The following MCM5 variants were observed in gnomAD, a reference collection of about 807,000 sequenced individuals.
The protein encoded by MCM5 is DNA replication licensing factor MCM5.
Under a neutral mutation model 79.9 loss-of-function variants are expected in MCM5, and 46 were observed. The observed-to-expected ratio is 0.58, with a 90% CI of 0.45 to 0.74. The LOEUF (loss-of-function observed/expected upper bound fraction) is 0.74. Ranked by LOEUF, MCM5 falls within the 30% of genes least tolerant of loss-of-function variation. The probability of loss-of-function intolerance (pLI) is 0.00; values close to 1 mark genes in which losing one functional copy is unlikely to be tolerated. For missense variants in MCM5, 883 were observed against 1,017.0 expected (o/e 0.87, Z 1.79); for synonymous variants, 404 against 390.5 (o/e 1.03, Z -0.41).
At chr22:35,452,011 C>T in the MCM5 span, among the ~76,000 whole-genome samples, 1 of 152,206 alleles carries the variant, frequency 6.6e-6, no homozygotes, top group African/African-American at 2.4e-5. Flanking sequence ...GGGCCCCCAC[C>T]TGCCCTGTGC....
At chr22:35,441,113 G>A in the MCM5 span, among the ~76,000 whole-genome samples, 1 of 151,932 alleles carries the variant, frequency 6.6e-6, no homozygotes, top group Admixed American at 6.6e-5. Flanking sequence ...GGGACCTTGC[G>A]TCCAAGGTGG....
the MCM5 span, among the ~76,000 whole-genome samples, chr22:35,438,602 C>CCACCCACCCACCCATTCATCCATCCAT: frequency 7.0e-5 from 4 of 57,074 alleles, no homozygotes; most frequent in Non-Finnish European, 9.3e-5. Context: ...CATGCATCCA[C>CCACCCACCCACCCATTCATCCATCCAT]CCACCCACAT....
intron 9 of MCM5, 21 bp from the exon 10 acceptor site, chr22:35,415,808 G>T: frequency 6.2e-7 from 1 of 1,605,382 alleles, no homozygotes; most frequent in Non-Finnish European, 8.5e-7. Context: ...ATTGGGCCCT[G>T]ACACCACCCC....
chr22:35,418,432 G>A (rs1263859935), intron 13 of MCM5, among the ~76,000 whole-genome samples: 1 of 152,166 alleles, frequency 6.6e-6, no homozygotes, highest in Non-Finnish European at 1.5e-5. Context: ...GGCGGAGGCA[G>A]GTGGATCACT....
At chr22:35,438,783 T>TCATC in the MCM5 span, among the ~76,000 whole-genome samples, 179 of 11,026 alleles carry the variant, frequency 0.016, 4 homozygotes, top group African/African-American at 0.038. Flanking sequence ...ACCCACATAT[T>TCATC]CATCCATCCA....
the MCM5 span, among the ~76,000 whole-genome samples, chr22:35,432,374 C>T: frequency 3.3e-5 from 5 of 152,192 alleles, no homozygotes; most frequent in East Asian, 1.9e-4. Flanking sequence ...GGGGGTCTAG[C>T]GGGGAGTACA....
Position 35,408,494 on chromosome 22 carries a change from A to G in MCM5, c.683A>G (p.Lys228Arg). The change falls in exon 6 of 17, where the codon AAG (lysine) becomes AGG (arginine). Residue 228 changes from lysine to arginine, a missense_variant. This residue lies in a region of MCM5 where 455 missense variants were observed against 517.5 expected (regional missense o/e 0.88). Transcript: ENST00000216122. ...AAATGCGTGGACTTCCAGACCCTGA[A>G]GCTGCAGGAGCTGCCTGATGCAGTC... Reference protein sequence around the residue: ...KCKCVDFQTLKLQELPDAVPH... With the variant: ...KCKCVDFQTLRLQELPDAVPH... The G allele has an allele frequency of 6.2e-7, 1 of 1,614,200 alleles. No homozygotes were observed. The highest frequency in any genetic ancestry group is 8.5e-7 in the Non-Finnish European group (1 of 1,180,020).
rs1932010959 is a variant in MCM5 at position 35,400,538 on chromosome 22, C to T, written c.100C>T (p.Arg34Cys). ...GGCCCGCAAATCGCAGCTGCAGAGG[C>T]GCTTCAAGGAGTTCCTGCGGCAGTA... Reference protein sequence around the residue: ...GQARKSQLQRRFKEFLRQYRV... With the variant: ...GQARKSQLQRCFKEFLRQYRV... Residue 34 changes from arginine to cysteine, a missense_variant, in exon 2 of 17, where the codon CGC becomes TGC. Transcript: ENST00000216122. 3 of 1,614,034 alleles carry T rather than the reference C, an allele frequency of 1.9e-6. No individual in the cohort carries two copies. Among genetic ancestry groups the T allele is most frequent in the South Asian group, 2.2e-5 (2 of 91,082 alleles).
At chr22:35,442,412 C>T in the MCM5 span, among the ~76,000 whole-genome samples, 3 of 152,050 alleles carry the variant, frequency 2.0e-5, no homozygotes, top group Admixed American at 1.3e-4. Context: ...CATTTATTCT[C>T]TTATGTTTCT....
At chr22:35,450,360 C>A in the MCM5 span, among the ~76,000 whole-genome samples, 1 of 152,040 alleles carries the variant, frequency 6.6e-6, no homozygotes, top group Non-Finnish European at 1.5e-5. Context: ...TAAATGAGAT[C>A]GTGCCTAGAA....
the MCM5 span, among the ~76,000 whole-genome samples, chr22:35,450,511 G>A: frequency 1.3e-5 from 2 of 152,112 alleles, no homozygotes; most frequent in Admixed American, 6.5e-5. Context: ...AGACTCGCCC[G>A]CCTGACTCCG....
chr22:35,428,021 CTTTTTT>C (rs133437), downstream of MCM5, among the ~76,000 whole-genome samples: 1 of 132,392 alleles, frequency 7.6e-6, no homozygotes, highest in African/African-American at 3.1e-5. Context: ...CTCTCTCTCT[CTTTTTT>C]TTTTTTTTTT....
Position 35,416,345 on chromosome 22 carries a change from G to C in MCM5, c.1354G>C (p.Glu452Gln). ...VCIDEFDKMR[E>Q]DDRVAIHEAM... is the part of the protein sequence containing the mutation. ...TTCTCTCTTCCCCACTTAGATGCGAGAAGATGACCGTGTGGCAATCCACGA... is the reference window on the plus strand; with the variant it reads ...TTCTCTCTTCCCCACTTAGATGCGACAAGATGACCGTGTGGCAATCCACGA... Residue 452 changes from glutamate (E) to glutamine (Q), a missense_variant, in exon 11 of 17, where the codon GAA (glutamate) becomes CAA (glutamine). This residue lies in a region of MCM5 where 426 missense variants were observed against 482.3 expected (regional missense o/e 0.88). Coordinates refer to ENST00000216122, the MANE Select transcript of MCM5 (RefSeq NM_006739.4). The C allele has an allele frequency of 6.2e-7, 1 of 1,613,928 alleles. No individual in the cohort carries two copies. The highest frequency in any genetic ancestry group is 8.5e-7 in the Non-Finnish European group (1 of 1,179,992).
chr22:35,435,142 C>T, the MCM5 span, among the ~76,000 whole-genome samples: 1 of 152,058 alleles, frequency 6.6e-6, no homozygotes, highest in African/African-American at 2.4e-5. Flanking sequence ...CAGAGCAAGA[C>T]TCCATCTCAA....
At chr22:35,430,373 G>T (rs1234756090), downstream of MCM5, among the ~76,000 whole-genome samples, 1 of 152,252 alleles carries the variant, frequency 6.6e-6, no homozygotes, top group Admixed American at 6.5e-5. Flanking sequence ...TTGCCAGGAA[G>T]TGGGCACCTG....
At chr22:35,410,685 G>T (rs754089173) in intron 6 of MCM5, 59 bp from the exon 7 acceptor site, 42 of 1,542,422 alleles carry the variant, frequency 2.7e-5, no homozygotes, top group Non-Finnish European at 3.7e-5. Flanking sequence ...TGGAATCAGA[G>T]ACTTGCTGTC....
chr22:35,447,262 G>A, the MCM5 span, among the ~76,000 whole-genome samples: 63 of 152,224 alleles, frequency 4.1e-4, no homozygotes, highest in Non-Finnish European at 6.9e-4. Flanking sequence ...TACTCTCTGC[G>A]CTCCTTCCCC....
the MCM5 span, among the ~76,000 whole-genome samples, chr22:35,449,676 G>C: frequency 6.6e-6 from 1 of 152,220 alleles, no homozygotes; most frequent in African/African-American, 2.4e-5. Context: ...CAGTTTTCCG[G>C]CACCTTGCTC....
At chr22:35,416,517 G>GTGTGTT (rs1336143217) in intron 11 of MCM5, 113 bp downstream of exon 11, 1 of 86,024 alleles carries the variant, frequency 1.2e-5, no homozygotes, top group African/African-American at 9.0e-4. Flanking sequence ...GAATCTGTGT[G>GTGTGTT]TGTGTGTGTG....
Sources: allele counts gnomAD v4.1 joint callset (sites outside exome capture counted in the v4.1 genomes callset), GRCh38; gene constraint gnomAD v4.1.1; regional missense constraint gnomAD v4.1.1; transcripts MANE v1.5; gene names NCBI Gene and HGNC (gene_info 2026-07-23, HGNC 2026-07-21).